The following CAPN13 variants were observed in gnomAD, a reference collection of about 807,000 sequenced individuals.
The protein encoded by CAPN13 is calpain 13.
CAPN13 carries 90 observed loss-of-function variants against 98.4 expected under a neutral mutation model. That is an observed-to-expected ratio of 0.92 (90% confidence interval 0.77 to 1.09). The LOEUF (loss-of-function observed/expected upper bound fraction) is 1.09, where lower values mean the gene tolerates loss of function less well. Among genes scored for constraint, CAPN13 ranks in the 50% least tolerant of loss-of-function variants. The pLI, the probability that CAPN13 is intolerant of heterozygous loss-of-function variation, is 0.00. For synonymous variants in CAPN13, 330 were observed against 305.5 expected, an observed-to-expected ratio of 1.08 and a Z score of -0.84; for missense variants, 887 against 841.3, an observed-to-expected ratio of 1.05 and a Z score of -0.67.
chr2:30,743,640 A>G (rs1671767394), intron 12 of CAPN13, 61 bp from the exon 13 acceptor site: 1 of 1,432,698 alleles, frequency 7.0e-7, no homozygotes, highest in East Asian at 2.3e-5. Context: ...GACCCCAGTC[A>G]CCAAGAAAGA....
intron 1 of CAPN13, among the ~76,000 whole-genome samples, chr2:30,802,505 G>A (rs941819444): frequency 1.4e-5 from 2 of 143,048 alleles, no homozygotes; most frequent in African/African-American, 5.1e-5. Context: ...GAATGTAAAC[G>A]TGTCTAAGTG....
rs1671149703 is a variant in CAPN13 at position 30,732,440 on chromosome 2, G to C, written c.1925C>G (p.Ala642Gly). Reference protein sequence around the residue: ...VCFLMRLEAMAKTFRNLSKDG... With the variant: ...VCFLMRLEAMGKTFRNLSKDG... ...GGATGCCCCTTGGGGACACTTACTT[G>C]CCATGGCTTCAAGCCGCATCAGGAA... The change falls in exon 20 of 23, where the codon GCA (alanine) becomes GGA (glycine). Residue 642 changes from alanine (A) to glycine (G), a missense_variant and splice_region_variant. Coordinates refer to ENST00000295055, the MANE Select transcript of CAPN13 (RefSeq NM_144575.3). 1 of 1,613,190 alleles carries C rather than the reference G, an allele frequency of 6.2e-7. No homozygotes were observed. The highest frequency in any genetic ancestry group is 1.1e-5 in the South Asian group (1 of 91,034).
At chr2:30,768,659 C>T (rs1379173969) in intron 5 of CAPN13, among the ~76,000 whole-genome samples, 1 of 135,478 alleles carries the variant, frequency 7.4e-6, no homozygotes, top group African/African-American at 3.8e-5. Context: ...TGTTTCATTT[C>T]ATTTCATGAA....
At chr2:30,794,882 T>C (rs1046196869) in intron 1 of CAPN13, among the ~76,000 whole-genome samples, 1 of 151,310 alleles carries the variant, frequency 6.6e-6, no homozygotes, top group Admixed American at 6.6e-5. Flanking sequence ...GAAATGGGGG[T>C]GGAGGGAGGA....
intron 1 of CAPN13, among the ~76,000 whole-genome samples, chr2:30,795,780 T>C (rs1164385786): frequency 6.6e-6 from 1 of 152,102 alleles, no homozygotes; most frequent in African/African-American, 2.4e-5. Flanking sequence ...TTACAAATAT[T>C]TGCTTTAAGT....
chr2:30,727,450 T>C (rs1670895666), intron 22 of CAPN13, among the ~76,000 whole-genome samples: 1 of 152,134 alleles, frequency 6.6e-6, no homozygotes, highest in Non-Finnish European at 1.5e-5. Flanking sequence ...ACAAAGAACA[T>C]CTATAACTCC....
At chr2:30,789,285 T>G (rs1674486408) in intron 1 of CAPN13, among the ~76,000 whole-genome samples, 1 of 152,248 alleles carries the variant, frequency 6.6e-6, no homozygotes. Flanking sequence ...TCTCTGTGCA[T>G]GCTCGGGGAC....
intron 19 of CAPN13, among the ~76,000 whole-genome samples, chr2:30,733,648 T>A (rs2147949436): frequency 1.3e-5 from 2 of 152,140 alleles, no homozygotes; most frequent in East Asian, 1.9e-4. Context: ...CAGTTCCACA[T>A]TATGAAGCAT....
intron 1 of CAPN13, among the ~76,000 whole-genome samples, chr2:30,806,907 T>C (rs1348311211): frequency 1.3e-5 from 2 of 152,228 alleles, no homozygotes; most frequent in Non-Finnish European, 2.9e-5. Flanking sequence ...ACCTACTATC[T>C]AACAGAAACT....
At position 30,796,200 on chromosome 2, in the gene CAPN13, G is replaced by GTA. The variant is rs748130186; in HGVS notation, c.-32-8845_-32-8844dup. 8.9e-3 allele frequency among the ~76,000 whole-genome samples: 1,205 copies of GTA among 135,400 alleles called. 10 individuals are homozygous for GTA. The highest frequency in any genetic ancestry group is 0.019 in the African/African-American group (576 of 30,444). 88.8% of individuals were successfully genotyped at this position (135,400 alleles called of 152,430 possible). ...TATATATATACATATATATGTGTGT[G>GTA]TATATATATATACACATATATATGT... is the stretch of plus-strand genomic sequence containing the variant. On this transcript the variant is annotated intron_variant, in intron 1 of 22. Coordinates refer to ENST00000295055, the MANE Select transcript of CAPN13 (RefSeq NM_144575.3).
At chr2:30,754,901 T>G (rs1400445465) in intron 8 of CAPN13, among the ~76,000 whole-genome samples, 8 of 152,214 alleles carry the variant, frequency 5.3e-5, no homozygotes, top group South Asian at 2.1e-4. Flanking sequence ...GTTCCCACAC[T>G]GCCATTGAAA....
intron 7 of CAPN13, among the ~76,000 whole-genome samples, chr2:30,758,955 CTCCT>C (rs1488416074): frequency 8.0e-5 from 9 of 112,592 alleles, no homozygotes; most frequent in Middle Eastern, 5.6e-3. Context: ...CCTTTCTTCC[CTCCT>C]TCCTTCTGTT....
intron 19 of CAPN13, among the ~76,000 whole-genome samples, chr2:30,732,891 C>A (rs1338666927): frequency 6.6e-6 from 1 of 152,220 alleles, no homozygotes; most frequent in African/African-American, 2.4e-5. Flanking sequence ...CTCTGTCAAA[C>A]TTCTCCTTGC....
rs1243090690 is a variant in CAPN13 at position 30,736,582 on chromosome 2, A to G, written c.1654-11T>C. ...CCCATTCACTTTCAGCTGGGTAAGG[A>G]GTTAAGAGTGAACCAGCCAGCGTGC... On this transcript the variant is annotated splice_polypyrimidine_tract_variant and intron_variant, in intron 17 of 22. Coordinates refer to ENST00000295055, the MANE Select transcript of CAPN13 (RefSeq NM_144575.3). The G allele has an allele frequency of 6.2e-7, 1 of 1,613,852 alleles. No homozygotes were observed. Among genetic ancestry groups the G allele is most frequent in the Admixed American group, 1.7e-5 (1 of 60,016 alleles).
intron 11 of CAPN13, among the ~76,000 whole-genome samples, chr2:30,748,746 A>G (rs1672036196): frequency 6.6e-6 from 1 of 152,274 alleles, no homozygotes; most frequent in South Asian, 2.1e-4. Context: ...TGTGATGAAA[A>G]TAACAACGGT....
chr2:30,768,453 G>C (rs553658952), intron 5 of CAPN13, among the ~76,000 whole-genome samples: 6 of 152,288 alleles, frequency 3.9e-5, no homozygotes, highest in Non-Finnish European at 5.9e-5. Context: ...GCCAGCTACA[G>C]AGAGGAGCAG....
At chr2:30,790,437 T>C (rs1463797137) in intron 1 of CAPN13, among the ~76,000 whole-genome samples, 1 of 152,214 alleles carries the variant, frequency 6.6e-6, no homozygotes, top group Non-Finnish European at 1.5e-5. Flanking sequence ...CAAGGAGAGC[T>C]AGAAACATCA....
rs140646334 is a variant in CAPN13 at position 30,764,334 on chromosome 2, G to A, written c.525-28C>T. On this transcript the variant is annotated intron_variant, in intron 5 of 22. Transcript: ENST00000295055. ...GGGAGGGAATGGGGGATGAACCATCGTGGTGCCTTTGGTGAGATGCTCTGG... is the reference window on the plus strand; with the variant it reads ...GGGAGGGAATGGGGGATGAACCATCATGGTGCCTTTGGTGAGATGCTCTGG... The A allele has an allele frequency of 7.6e-5, 122 of 1,609,628 alleles. No homozygotes were observed. The East Asian group carries it at 1.7e-3, about 23-fold the overall frequency.
At chr2:30,758,486 T>C (rs1672576596) in intron 7 of CAPN13, among the ~76,000 whole-genome samples, 1 of 152,132 alleles carries the variant, frequency 6.6e-6, no homozygotes, top group Admixed American at 6.5e-5. Context: ...AATTTTATGG[T>C]TCCCCAGCCT....
Sources: allele counts gnomAD v4.1 joint callset (sites outside exome capture counted in the v4.1 genomes callset), GRCh38; gene constraint gnomAD v4.1.1; transcripts MANE v1.5; gene names NCBI Gene and HGNC (gene_info 2026-07-23, HGNC 2026-07-21).